Variants in PRKCA observed in about 807,000 individuals in gnomAD.
PRKCA encodes protein kinase C alpha type.
A neutral mutation model predicts 87.0 loss-of-function variants in PRKCA; 27 were observed. The observed-to-expected ratio is 0.31, with a 90% CI of 0.23 to 0.43. PRKCA has a LOEUF of 0.43. Ranked by LOEUF, PRKCA falls within the 20% of genes least tolerant of loss-of-function variation. PRKCA has a pLI of 1.00. For synonymous variants in PRKCA, 329 were observed against 311.1 expected, an observed-to-expected ratio of 1.06 and a Z score of -0.61; for missense variants, 518 against 852.3, an observed-to-expected ratio of 0.61 and a Z score of 4.88.
At chr17:66,390,091 C>T (rs369577701) in intron 2 of PRKCA, among the ~76,000 whole-genome samples, 43 of 152,240 alleles carry the variant, frequency 2.8e-4, no homozygotes, top group South Asian at 1.0e-3. Context: ...GGTGTGATGG[C>T]GCATGCCTGT....
At chr17:66,458,436 T>C (rs578244105) in intron 2 of PRKCA, among the ~76,000 whole-genome samples, 25 of 151,908 alleles carry the variant, frequency 1.6e-4, no homozygotes, top group Non-Finnish European at 4.4e-5. Context: ...ACTGCTAGGG[T>C]GCCTTGAAGA....
chr17:66,635,321 G>T (rs1971123114), intron 3 of PRKCA, among the ~76,000 whole-genome samples: 1 of 152,224 alleles, frequency 6.6e-6, no homozygotes, highest in Admixed American at 6.5e-5. Flanking sequence ...GGGGCAGCTT[G>T]TGCCCTGGTA....
intron 14 of PRKCA, chr17:66,775,059 T>C: frequency 2.0e-6 from 2 of 985,444 alleles, no homozygotes; most frequent in Non-Finnish European, 2.4e-6. Context: ...TTTATGACTG[T>C]CCTCATGCTC....
At chr17:66,324,534 A>C (rs1021753790) in intron 2 of PRKCA, among the ~76,000 whole-genome samples, 3 of 151,724 alleles carry the variant, frequency 2.0e-5, no homozygotes, top group African/African-American at 7.3e-5. Context: ...AATTGCTTGA[A>C]CCTGGGAGGC....
chr17:66,392,155 G>A (rs1201387339), intron 2 of PRKCA, among the ~76,000 whole-genome samples: 7 of 151,900 alleles, frequency 4.6e-5, no homozygotes, highest in Admixed American at 2.0e-4. Context: ...GTGTGAACCC[G>A]GGAGGCGGAG....
In PRKCA at chr17:66,311,171, CA is replaced by C. The variant is rs1231450894; in HGVS notation, c.205+5049del. Among the ~76,000 whole-genome samples the C allele has an allele frequency of 4.6e-5, 7 of 152,196 alleles. No individual in the cohort carries two copies. The East Asian group carries it at 1.4e-3, about 29-fold the overall frequency. On this transcript the variant is annotated intron_variant, in intron 2 of 16. Transcript: ENST00000413366. ...AGATAAACTCTTGGAGGTTTAGTTC[CA>C]AAAAGATAGAATGCATGGAAGACTG...
intron 2 of PRKCA, among the ~76,000 whole-genome samples, chr17:66,454,010 G>A (rs560566351): frequency 6.6e-6 from 1 of 152,332 alleles, no homozygotes; most frequent in Admixed American, 6.5e-5. Context: ...TGAAGCCAGT[G>A]CTTATGTAGA....
intron 5 of PRKCA, among the ~76,000 whole-genome samples, chr17:66,664,468 A>G (rs183491804): frequency 3.3e-4 from 50 of 152,222 alleles, no homozygotes; most frequent in Middle Eastern, 3.4e-3. Context: ...AGAGAACCCA[A>G]AGGTAATGAG....
At chr17:66,777,985 C>T (rs1322364268) in intron 14 of PRKCA, 1 of 985,228 alleles carries the variant, frequency 1.0e-6, no homozygotes, top group African/African-American at 1.7e-5. Context: ...TTGGGGGGTG[C>T]ATTTTGAAGC....
chr17:66,323,184 A>T (rs1264318667), intron 2 of PRKCA, among the ~76,000 whole-genome samples: 4 of 152,060 alleles, frequency 2.6e-5, no homozygotes, highest in Non-Finnish European at 5.9e-5. Flanking sequence ...ACTTCTTTTG[A>T]CCTGTGGAGT....
rs1462318142 is a variant in PRKCA at position 66,803,752 on chromosome 17, C to T, written c.1855-121C>T. On this transcript the variant is annotated intron_variant, in intron 16 of 16. Coordinates refer to ENST00000413366, the MANE Select transcript of PRKCA (RefSeq NM_002737.3). This position sits in a 1 kb window ranked among gnomAD's most constrained non-coding sequence, Gnocchi z 4.4. ...TAGGCCTGCAAGTCCTCCGAGATTC[C>T]TCCTCCTAACCAGCCCGGAGTTCCC... The T allele has an allele frequency of 5.1e-6, 7 of 1,373,782 alleles. No homozygotes were observed. The highest frequency in any genetic ancestry group is 6.8e-6 in the Non-Finnish European group (7 of 1,022,576). The allele number at this position is 1,373,782 out of a possible 1,614,324, so 85.1% of individuals were successfully genotyped here. A position where few individuals can be genotyped will look rare whatever the true frequency, so the allele number is the denominator to read the frequency against.
intron 2 of PRKCA, among the ~76,000 whole-genome samples, chr17:66,376,352 A>C (rs1205423487): frequency 6.6e-6 from 1 of 152,206 alleles, no homozygotes; most frequent in Non-Finnish European, 1.5e-5. Flanking sequence ...TCACGCCTGT[A>C]ATCCCAGCAC....
At chr17:66,721,579 C>T (rs962351298) in intron 8 of PRKCA, among the ~76,000 whole-genome samples, 3 of 152,128 alleles carry the variant, frequency 2.0e-5, no homozygotes, top group East Asian at 1.9e-4. Flanking sequence ...TTAGACCATA[C>T]GGGGTAACCA....
chr17:66,653,733 G>A (rs8069045), intron 5 of PRKCA, among the ~76,000 whole-genome samples: 86,160 of 150,084 alleles, frequency 0.57, 24,815 homozygotes, highest in Admixed American at 0.6. Context: ...CCTCGATCTG[G>A]GGGTTCCATG....
At chr17:66,608,557 C>T (rs988068236) in intron 3 of PRKCA, among the ~76,000 whole-genome samples, 8 of 152,132 alleles carry the variant, frequency 5.3e-5, no homozygotes, top group African/African-American at 1.2e-4. Context: ...ATACCCTATA[C>T]GATAGAAATT....
intron 2 of PRKCA, among the ~76,000 whole-genome samples, chr17:66,335,251 C>T (rs537977531): frequency 2.2e-4 from 34 of 152,234 alleles, no homozygotes; most frequent in African/African-American, 2.9e-4. Context: ...TCTCAGCCTC[C>T]GTAATAGCTG....
intron 16 of PRKCA, among the ~76,000 whole-genome samples, chr17:66,795,726 G>A (rs937659879): frequency 6.6e-6 from 1 of 152,176 alleles, no homozygotes; most frequent in Non-Finnish European, 1.5e-5. Context: ...TGGCAGTGAA[G>A]GTTTCCAACA....
At chr17:66,761,065 T>C (rs1974671615) in intron 13 of PRKCA, among the ~76,000 whole-genome samples, 1 of 152,150 alleles carries the variant, frequency 6.6e-6, no homozygotes, top group African/African-American at 2.4e-5. Flanking sequence ...AGAGCCACAA[T>C]TTTTGTCTAA....
intron 3 of PRKCA, among the ~76,000 whole-genome samples, chr17:66,610,316 A>G (rs1273459599): frequency 6.6e-6 from 1 of 152,212 alleles, no homozygotes; most frequent in East Asian, 1.9e-4. Context: ...CGGACCCACC[A>G]TCAACAGAGC....
Sources: gnomAD v4.1 joint callset for allele counts (sites outside exome capture counted in the v4.1 genomes callset) on GRCh38, gnomAD v4.1.1 for gene constraint, Gnocchi (gnomAD v3.1) non-coding constraint, MANE v1.5 for transcripts, NCBI Gene and HGNC (gene_info 2026-07-23, HGNC 2026-07-21) for gene names.